Variants in ATP13A3 observed in about 807,000 individuals in gnomAD.
ATP13A3 encodes polyamine-transporting ATPase 13A3.
Under a neutral mutation model 158.1 loss-of-function variants are expected in ATP13A3, and 59 were observed. The observed-to-expected ratio is 0.37, with a 90% CI of 0.30 to 0.46. The LOEUF (loss-of-function observed/expected upper bound fraction) is 0.46. Ranked by LOEUF, ATP13A3 falls within the 20% of genes least tolerant of loss-of-function variation. The pLI is 1.00. For synonymous variants in ATP13A3, 491 were observed against 504.3 expected, an observed-to-expected ratio of 0.97 and a Z score of 0.35; for missense variants, 1,166 against 1,525.2, an observed-to-expected ratio of 0.76 and a Z score of 3.92.
intron 2 of ATP13A3, among the ~76,000 whole-genome samples, chr3:194,470,308 T>C (rs1033454665): frequency 6.6e-6 from 1 of 152,206 alleles, no homozygotes; most frequent in Non-Finnish European, 1.5e-5. Flanking sequence ...TACAAAACAA[T>C]GTGATAGCTA....
chr3:194,454,440 A>G (rs1719049226), intron 8 of ATP13A3, 48 bp from the exon 9 acceptor site: 3 of 1,518,772 alleles, frequency 2.0e-6, no homozygotes, highest in Non-Finnish European at 2.7e-6. Context: ...ATTAATGACC[A>G]TACAGATTGT....
chr3:194,415,645 T>C (rs1715778486), intron 31 of ATP13A3, among the ~76,000 whole-genome samples: 1 of 151,230 alleles, frequency 6.6e-6, no homozygotes, highest in Non-Finnish European at 1.5e-5. Flanking sequence ...TGTGCAAGGA[T>C]TTACAATACC....
intron 2 of ATP13A3, among the ~76,000 whole-genome samples, chr3:194,481,429 T>C (rs927301465): frequency 1.3e-5 from 2 of 151,042 alleles, no homozygotes; most frequent in Non-Finnish European, 3.0e-5. Context: ...TACTACAGAG[T>C]ACAAAATTAA....
rs1234741050 is a variant in ATP13A3 at position 194,433,764 on chromosome 3, A to G, written c.2245+8T>C. ...CATTTGCTTCTGTGTTCTTTTATAA[A>G]GTCTAACCTGTGACCATGACGGTGC... On this transcript the variant is annotated splice_region_variant and intron_variant, in intron 21 of 33. Transcript: ENST00000645319. 6.2e-7 allele frequency: 1 copy of G among 1,613,416 alleles called. No individual in the cohort carries two copies. The highest frequency in any genetic ancestry group is 8.5e-7 in the Non-Finnish European group (1 of 1,179,830).
rs571370733 is a variant in ATP13A3, at chr3:194,449,893, A to C, written c.970+252T>G. Among the ~76,000 whole-genome samples the C allele has an allele frequency of 6.6e-5, 10 of 152,200 alleles. No homozygotes were observed. In the South Asian group the frequency reaches 1.9e-3, roughly 28 times the overall value. On this transcript the variant is annotated intron_variant, in intron 11 of 33. Transcript: ENST00000645319. The stretch of plus-strand genomic sequence containing the variant: ...GCCGCCTTTCCACTTCCCTAACCTT[A>C]AACCATTTCCTAAGGTCCAAAGAGT...
chr3:194,432,234 C>T (rs1008103521), intron 21 of ATP13A3, among the ~76,000 whole-genome samples: 2 of 152,106 alleles, frequency 1.3e-5, no homozygotes, highest in East Asian at 3.8e-4. Context: ...AAATACTTAC[C>T]GAAATAACTT....
intron 2 of ATP13A3, among the ~76,000 whole-genome samples, chr3:194,478,539 A>C (rs1346654098): frequency 6.6e-6 from 1 of 152,192 alleles, no homozygotes; most frequent in African/African-American, 2.4e-5. Flanking sequence ...AAAAAATGCC[A>C]GGAAAACAAG....
intron 29 of ATP13A3, among the ~76,000 whole-genome samples, chr3:194,426,217 C>T (rs976317964): frequency 4.0e-5 from 6 of 151,616 alleles, no homozygotes; most frequent in South Asian, 2.1e-4. Context: ...AGTGTTTCTA[C>T]GCACATATAA....
At chr3:194,411,359 T>C (rs1715414188) in intron 33 of ATP13A3, among the ~76,000 whole-genome samples, 1 of 152,154 alleles carries the variant, frequency 6.6e-6, no homozygotes. Flanking sequence ...GTAAAGCACA[T>C]CACCCATCTC....
chr3:194,449,641 C>T (rs189967159), intron 11 of ATP13A3, among the ~76,000 whole-genome samples: 36 of 151,838 alleles, frequency 2.4e-4, no homozygotes, highest in African/African-American at 8.2e-4. Context: ...CGCACCACTG[C>T]TCTCCATCCT....
At chr3:194,475,035 A>G (rs1045863732) in intron 2 of ATP13A3, among the ~76,000 whole-genome samples, 13 of 152,210 alleles carry the variant, frequency 8.5e-5, no homozygotes, top group African/African-American at 2.9e-4. Flanking sequence ...ATAGCGCAGC[A>G]CGGTGGAGAG....
chr3:194,479,013 A>G (rs1425202119), intron 2 of ATP13A3, among the ~76,000 whole-genome samples: 1 of 152,150 alleles, frequency 6.6e-6, no homozygotes, highest in Non-Finnish European at 1.5e-5. Flanking sequence ...TATACACTAC[A>G]ATAACTTATC....
chr3:194,478,300 G>A (rs1019377177), intron 2 of ATP13A3, among the ~76,000 whole-genome samples: 5 of 151,672 alleles, frequency 3.3e-5, no homozygotes, highest in Admixed American at 2.6e-4. Context: ...AGACAAATAA[G>A]TAAGCAAACA....
chr3:194,424,679 G>C (rs889109841), intron 30 of ATP13A3, among the ~76,000 whole-genome samples: 1 of 151,928 alleles, frequency 6.6e-6, no homozygotes, highest in African/African-American at 2.4e-5. Context: ...TTTTTTAATT[G>C]GCAATTTATA....
Position 194,412,279 on chromosome 3 carries a change from G to A in ATP13A3, c.3493C>T (p.Leu1165Phe). 3.3e-6 allele frequency: 5 copies of A among 1,536,150 alleles called. No individual in the cohort carries two copies. The highest frequency in any genetic ancestry group is 4.4e-6 in the Non-Finnish European group (5 of 1,146,802). ...FVSITVENFFLDMVLWKVVFN... is the reference protein window; with the variant it reads ...FVSITVENFFFDMVLWKVVFN... ...ACAACTTTCCAAAGGACCATGTCAA[G>A]GAAGAAGTTCTGAGAGATATTCCAG... The change falls in exon 33 of 34, where the codon CTT (leucine) becomes TTT (phenylalanine). Residue 1165 changes from leucine (L) to phenylalanine (F), a missense_variant. Leu to Phe is a conservative substitution (Grantham distance 22, BLOSUM62 0). Around this residue, in one of 3 missense-constraint regions of ATP13A3, gnomAD observed 997 missense variants for 1,341.2 expected, o/e 0.74. Transcript: ENST00000645319.
At chr3:194,486,016 G>T (rs948791047) in intron 1 of ATP13A3, among the ~76,000 whole-genome samples, 181 bp from the exon 2 acceptor site, 15 of 152,150 alleles carry the variant, frequency 9.9e-5, no homozygotes, top group African/African-American at 3.6e-4. Flanking sequence ...GGAATGGAGA[G>T]ACAGAAAGGC....
chr3:194,426,047 C>A (rs562291930), intron 29 of ATP13A3, among the ~76,000 whole-genome samples: 6 of 152,292 alleles, frequency 3.9e-5, no homozygotes, highest in Admixed American at 2.6e-4. Context: ...GACCATCAGG[C>A]ACAGAAACAG....
Position 194,406,250 on chromosome 3 carries a change from A to G in ATP13A3, c.3574-134T>C, listed in dbSNP as rs74992469. On this transcript the variant is annotated intron_variant, in intron 33 of 33. Coordinates refer to ENST00000645319, the MANE Select transcript of ATP13A3 (RefSeq NM_001367549.1). Reference sequence around the variant, plus strand: ...GACTTCTGAGCACAACGAATGGGGGAAAAAAAAATCCATGTTAAAAAAAGG... The same window carrying G: ...GACTTCTGAGCACAACGAATGGGGGGAAAAAAAATCCATGTTAAAAAAAGG... 1.2e-3 allele frequency: 1,049 copies of G among 891,024 alleles called. 10 individuals are homozygous for G. The African/African-American group carries it at 0.016, about 13-fold the overall frequency. 55.2% of individuals were successfully genotyped at this position (891,024 alleles called of 1,614,324 possible).
At chr3:194,430,801 G>C in intron 24 of ATP13A3, 142 bp downstream of exon 24, 1 of 587,698 alleles carries the variant, frequency 1.7e-6, no homozygotes, top group Middle Eastern at 5.2e-4. Flanking sequence ...GGCACTTAAA[G>C]TTCTGAACTA....
Sources: gnomAD v4.1 joint callset for allele counts (sites outside exome capture counted in the v4.1 genomes callset) on GRCh38, gnomAD v4.1.1 for gene constraint, gnomAD v4.1.1 regional missense constraint, MANE v1.5 for transcripts, NCBI Gene and HGNC (gene_info 2026-07-23, HGNC 2026-07-21) for gene names.